Variants in BIN1 observed in about 807,000 individuals in gnomAD.
BIN1 encodes bridging integrator 1, also known as myc box-dependent-interacting protein 1.
Under a neutral mutation model 82.0 loss-of-function variants are expected in BIN1, and 53 were observed. That is an observed-to-expected ratio of 0.65 (90% CI 0.52 to 0.81). The LOEUF is 0.81. Ranked by LOEUF, BIN1 falls within the 40% of genes least tolerant of loss-of-function variation. The pLI, the probability that BIN1 is intolerant of heterozygous loss-of-function variation, is 0.00. For synonymous variants in BIN1, 302 were observed against 328.0 expected (o/e 0.92, Z 0.86); for missense variants, 642 against 784.4 (o/e 0.82, Z 2.17).
chr2:127,051,764 C>A (rs141768273), intron 15 of BIN1, among the ~76,000 whole-genome samples: 3 of 152,018 alleles, frequency 2.0e-5, no homozygotes, highest in African/African-American at 7.3e-5. Context: ...ATGGGCACCG[C>A]AGCACGGGCA....
At chr2:127,077,509 G>A (rs909191902) in intron 1 of BIN1, among the ~76,000 whole-genome samples, 1 of 152,174 alleles carries the variant, frequency 6.6e-6, no homozygotes, top group Non-Finnish European at 1.5e-5. Context: ...TAGGAAAGGA[G>A]GGCGCTGGCC....
intron 1 of BIN1, among the ~76,000 whole-genome samples, chr2:127,095,888 G>A (rs907649758): frequency 4.6e-5 from 7 of 152,182 alleles, no homozygotes; most frequent in African/African-American, 1.4e-4. Context: ...AGACCCAGCC[G>A]GACCCAGCAG....
chr2:127,068,930 A>G lies in BIN1; in HGVS notation c.513T>C (p.Ile171=). 6.2e-7 allele frequency: 1 copy of G among 1,614,034 alleles called. No individual in the cohort carries two copies. Among genetic ancestry groups the G allele is most frequent in the South Asian group, 1.1e-5 (1 of 91,078 alleles). The change falls in exon 6 of 19, where the codon ATT becomes ATC. Residue 171 remains isoleucine (I), a synonymous_variant. Transcript: ENST00000316724. The surrounding 1 kb of genome is among the most constrained non-coding windows in gnomAD (Gnocchi z 4.9). ...ACCCGCCTCCAGCCCTTACCTTGGCAATTTTGGCTTCATCCTTCTTTTTGG... is the reference window on the plus strand; with the variant it reads ...ACCCGCCTCCAGCCCTTACCTTGGCGATTTTGGCTTCATCCTTCTTTTTGG... ...QTAKKKDEAK[I]AKPVSLLEKA...
chr2:127,060,555 C>G, intron 10 of BIN1: 1 of 1,613,446 alleles, frequency 6.2e-7, no homozygotes, highest in East Asian at 2.2e-5. Context: ...CCAGCCAGGG[C>G]GCGGGCCTCT....
chr2:127,070,776 A>G lies in BIN1; in HGVS notation c.206T>C (p.Leu69Pro). The change falls in exon 3 of 19, where the codon CTG becomes CCG. Residue 69 changes from leucine to proline, a missense_variant. Transcript: ENST00000316724. ...TRLQKDLRTY[L>P]ASVKAMHEAS... ...CTGCCTCCTACCTTTGACGGAGGCC[A>G]GGTAGGTCCGGAGATCCTTCTGCAG... The G allele has an allele frequency of 6.2e-7, 1 of 1,613,494 alleles. No homozygotes were observed. The highest frequency in any genetic ancestry group is 8.5e-7 in the Non-Finnish European group (1 of 1,179,986).
chr2:127,051,534 G>A (rs577194360), intron 15 of BIN1, among the ~76,000 whole-genome samples: 5 of 152,036 alleles, frequency 3.3e-5, no homozygotes, highest in African/African-American at 4.8e-5. Context: ...CCCCAACCCC[G>A]CCTCACAGGC....
chr2:127,088,761 A>G (rs1275857847), intron 1 of BIN1, among the ~76,000 whole-genome samples: 2 of 151,182 alleles, frequency 1.3e-5, no homozygotes, highest in East Asian at 1.9e-4. Flanking sequence ...AAAAAGAGAG[A>G]CACTGAAGGG....
chr2:127,103,195 G>T (rs1012561173), intron 1 of BIN1, among the ~76,000 whole-genome samples: 2 of 152,150 alleles, frequency 1.3e-5, no homozygotes, highest in African/African-American at 4.8e-5. Context: ...TCTATTACAG[G>T]GACCATGCAC....
At chr2:127,064,624 C>T (rs974331453) in intron 7 of BIN1, 2 of 179,798 alleles carry the variant, frequency 1.1e-5, no homozygotes, top group Admixed American at 1.1e-4. Flanking sequence ...GAGGCAGCCA[C>T]TCAGGCACCT....
chr2:127,089,385 T>C (rs1319581880), intron 1 of BIN1, among the ~76,000 whole-genome samples: 2 of 151,934 alleles, frequency 1.3e-5, no homozygotes, highest in African/African-American at 4.8e-5. Flanking sequence ...AGGAGCGCAG[T>C]GGGGCAGGGT....
At chr2:127,052,426 G>A in intron 14 of BIN1, 64 bp from the exon 15 acceptor site, 1 of 1,423,970 alleles carries the variant, frequency 7.0e-7, no homozygotes, top group Non-Finnish European at 9.7e-7. Context: ...AAAGGCAATG[G>A]GCAGGATCAC....
rs775116995 is a variant in BIN1, at chr2:127,076,607, A to G, written c.165+19T>C. 6.2e-7 allele frequency: 1 copy of G among 1,614,022 alleles called. No homozygotes were observed. Among genetic ancestry groups the G allele is most frequent in the Non-Finnish European group, 8.5e-7 (1 of 1,179,978 alleles). On this transcript the variant is annotated intron_variant, in intron 2 of 18. Transcript: ENST00000316724. The stretch of plus-strand genomic sequence containing the variant: ...GAATTTTCACAAACTCCCTAAGGCC[A>G]AGGGCCACCCACACTCACCAGCTGC...
Position 127,059,270 on chromosome 2 carries a change from C to CTGTG in BIN1, c.858-119_858-116dup, listed in dbSNP as rs140171337. ...GGTGTGTGCATATGGAGGTGTGAAACTGTGTGTGTGTGTGTGTGTGTGTAT... is the reference window on the plus strand; with the variant it reads ...GGTGTGTGCATATGGAGGTGTGAAACTGTGTGTGTGTGTGTGTGTGTGTGTGTAT... On this transcript the variant is annotated intron_variant, in intron 10 of 18. Coordinates refer to ENST00000316724, the MANE Select transcript of BIN1 (RefSeq NM_139343.3). The surrounding 1 kb of genome is among the most constrained non-coding windows in gnomAD (Gnocchi z 6.7). 74 of 868,544 alleles carry CTGTG rather than the reference C, an allele frequency of 8.5e-5. No homozygotes were observed. Among genetic ancestry groups the CTGTG allele is most frequent in the East Asian group, 3.9e-4 (12 of 30,824 alleles). 53.8% of individuals were successfully genotyped at this position (868,544 alleles called of 1,614,324 possible). A position where few individuals can be genotyped will look rare whatever the true frequency, so the allele number is the denominator to read the frequency against.
chr2:127,058,735 G>C (rs751950612), intron 11 of BIN1, among the ~76,000 whole-genome samples: 3 of 151,184 alleles, frequency 2.0e-5, no homozygotes, highest in Non-Finnish European at 3.0e-5. Context: ...AAAGAGTCAA[G>C]CAGACAAAAG....
At chr2:127,054,045 C>T (rs764169861) in intron 12 of BIN1, 33 bp from the exon 13 acceptor site, 36 of 1,540,026 alleles carry the variant, frequency 2.3e-5, no homozygotes, top group Non-Finnish European at 3.2e-5. Flanking sequence ...GAGGAGGAAG[C>T]AGTTAGTGTT....
intron 2 of BIN1, among the ~76,000 whole-genome samples, chr2:127,073,897 C>T (rs1686248834): frequency 6.6e-6 from 1 of 152,156 alleles, no homozygotes; most frequent in African/African-American, 2.4e-5. Flanking sequence ...GGCAAGCAGG[C>T]CCCCATGGGC....
chr2:127,066,001 C>T (rs1685117787), intron 7 of BIN1, among the ~76,000 whole-genome samples: 1 of 152,166 alleles, frequency 6.6e-6, no homozygotes, highest in South Asian at 2.1e-4. Context: ...CCCGGGGTCC[C>T]GAGGACAGCA....
intron 1 of BIN1, among the ~76,000 whole-genome samples, chr2:127,092,002 C>A (rs1573772989): frequency 1.3e-5 from 2 of 152,066 alleles, no homozygotes; most frequent in East Asian, 3.9e-4. Flanking sequence ...CTGCCCTACC[C>A]CATGGCCCCT....
chr2:127,069,130 C>A lies in BIN1; in HGVS notation c.412-99G>T. The A allele has an allele frequency of 8.9e-6, 10 of 1,124,322 alleles. No individual in the cohort carries two copies. The South Asian group carries it at 1.0e-4, about 12-fold the overall frequency. The allele number at this position is 1,124,322 out of a possible 1,614,324, so 69.6% of individuals were successfully genotyped here. A position where few individuals can be genotyped will look rare whatever the true frequency, so the allele number is the denominator to read the frequency against. On this transcript the variant is annotated intron_variant, in intron 5 of 18. Transcript: ENST00000316724. Reference sequence around the variant, plus strand: ...AGGGACCCGCAGGGCGGGCAGGAGACCCCAGCTCCACAGGAACCCTTGAGC... The same window carrying A: ...AGGGACCCGCAGGGCGGGCAGGAGAACCCAGCTCCACAGGAACCCTTGAGC...
Sources: gnomAD v4.1 joint callset for allele counts (sites outside exome capture counted in the v4.1 genomes callset) on GRCh38, gnomAD v4.1.1 for gene constraint, Gnocchi (gnomAD v3.1) non-coding constraint, MANE v1.5 for transcripts, NCBI Gene and HGNC (gene_info 2026-07-23, HGNC 2026-07-21) for gene names.